Variants in RTKN observed in about 807,000 individuals in gnomAD.
RTKN encodes rhotekin.
RTKN carries 49 observed loss-of-function variants against 63.5 expected under a neutral mutation model. The ratio of observed to expected loss-of-function variants is 0.77; its 90% CI spans 0.61 to 0.98. The LOEUF (loss-of-function observed/expected upper bound fraction) is 0.98, where lower values mean the gene tolerates loss of function less well. Among genes scored for constraint, RTKN ranks in the 50% least tolerant of loss-of-function variants. The pLI is 0.00. For synonymous variants in RTKN, 295 were observed against 290.4 expected (o/e 1.02, Z -0.16); for missense variants, 685 against 740.8 (o/e 0.92, Z 0.87).
At chr2:74,440,654 T>C in intron 1 of RTKN, 1 of 803,080 alleles carries the variant, frequency 1.2e-6, no homozygotes, top group Non-Finnish European at 1.5e-6. Context: ...GCCTCGCCCC[T>C]TACTCCCCCA....
intron 6 of RTKN, 152 bp downstream of exon 6, chr2:74,429,676 T>TG (rs1043669310): frequency 9.5e-6 from 7 of 735,600 alleles, no homozygotes; most frequent in Non-Finnish European, 1.6e-5. Flanking sequence ...TGGGCTGGAA[T>TG]GCCTCCCAGC....
intron 8 of RTKN, 114 bp downstream of exon 8, chr2:74,428,517 C>T (rs887476151): frequency 1.2e-5 from 19 of 1,568,688 alleles, no homozygotes; most frequent in Middle Eastern, 1.7e-4. Flanking sequence ...CTCGTCTGGC[C>T]ATACCCCATT....
intron 1 of RTKN, among the ~76,000 whole-genome samples, chr2:74,439,344 C>T (rs1258120259): frequency 6.6e-6 from 1 of 152,194 alleles, no homozygotes; most frequent in African/African-American, 2.4e-5. Flanking sequence ...TGTAAAGACC[C>T]TGCTGCAAAC....
chr2:74,437,689 G>C (rs1407077403), intron 1 of RTKN, among the ~76,000 whole-genome samples: 1 of 152,212 alleles, frequency 6.6e-6, no homozygotes, highest in East Asian at 1.9e-4. Context: ...TGAACTAAAA[G>C]TAAGATTTAA....
Position 74,428,305 on chromosome 2 carries a change from G to C in RTKN, c.1049C>G (p.Thr350Ser). 2 of 1,614,198 alleles carry C rather than the reference G, an allele frequency of 1.2e-6. No homozygotes were observed. Among genetic ancestry groups the C allele is most frequent in the South Asian group, 1.1e-5 (1 of 91,092 alleles). Reference protein sequence around the residue: ...FCYRQPEDADTGEEPLLTIAV... With the variant: ...FCYRQPEDADSGEEPLLTIAV... The stretch of plus-strand genomic sequence containing the variant: ...AATAGTAAGCAGCGGCTCTTCCCCA[G>C]TGTCTGCATCCTCAGGTTGCCGGTA... Residue 350 changes from threonine to serine, a missense_variant, in exon 9 of 12, where the codon ACT becomes AGT. Thr to Ser is a moderately conservative substitution (Grantham distance 58, BLOSUM62 1). Coordinates refer to ENST00000272430, the MANE Select transcript of RTKN (RefSeq NM_001015055.2).
chr2:74,439,927 G>T, intron 1 of RTKN: 1 of 1,219,960 alleles, frequency 8.2e-7, no homozygotes, highest in South Asian at 2.1e-5. Flanking sequence ...TGCAGAGGGG[G>T]CTCTAGGCAC....
In RTKN at chr2:74,429,964, T is replaced by A. The variant is rs773460553; in HGVS notation, c.619A>T (p.Thr207Ser). The change falls in exon 6 of 12, where the codon ACT becomes TCT. Residue 207 changes from threonine to serine, a missense_variant. Coordinates refer to ENST00000272430, the MANE Select transcript of RTKN (RefSeq NM_001015055.2). ...GTGGCAAGCCTCTTGGGGCCGCCAGTCAGGGCCCCCTCTTCTTCCACACAG... is the reference window on the plus strand; with the variant it reads ...GTGGCAAGCCTCTTGGGGCCGCCAGACAGGGCCCCCTCTTCTTCCACACAG... ...GACVEEEGAL[T>S]GGPKRLATKL... The A allele has an allele frequency of 1.2e-6, 2 of 1,614,136 alleles. No homozygotes were observed. Among genetic ancestry groups the A allele is most frequent in the Non-Finnish European group, 1.7e-6 (2 of 1,180,032 alleles).
intron 11 of RTKN, chr2:74,426,943 G>A (rs1670430003): frequency 1.0e-6 from 1 of 985,204 alleles, no homozygotes; most frequent in South Asian, 4.7e-5. Context: ...AGAAATTAAT[G>A]AAATGATCCT....
intron 10 of RTKN, 45 bp downstream of exon 10, chr2:74,427,379 C>G (rs1303580884): frequency 6.2e-7 from 1 of 1,610,262 alleles, no homozygotes; most frequent in Non-Finnish European, 8.5e-7. Context: ...AAATGACAAA[C>G]TCCAGTTCTT....
intron 2 of RTKN, 108 bp downstream of exon 2, chr2:74,432,359 G>A (rs757212365): frequency 9.4e-7 from 1 of 1,066,742 alleles, no homozygotes. Context: ...AAGACTTCAT[G>A]GGGAAGTCAT....
Position 74,429,846 on chromosome 2 carries a change from A to G in RTKN, c.737T>C (p.Leu246Pro). 2 of 1,613,806 alleles carry G rather than the reference A, an allele frequency of 1.2e-6. No individual in the cohort carries two copies. Among genetic ancestry groups the G allele is most frequent in the South Asian group, 2.2e-5 (2 of 91,064 alleles). Residue 246 changes from leucine (L) to proline (P), a missense_variant, in exon 6 of 12, where the codon CTC (leucine) becomes CCC (proline). Leu to Pro is a moderately conservative substitution (Grantham distance 98). Coordinates refer to ENST00000272430, the MANE Select transcript of RTKN (RefSeq NM_001015055.2). Reference sequence around the variant, plus strand: ...GCCTTACCCAACAACTGGGGTGGGGAGCAAGATGGGACTGCTCCCTGAACC... The same window carrying G: ...GCCTTACCCAACAACTGGGGTGGGGGGCAAGATGGGACTGCTCCCTGAACC... ...AGGSGSSPIL[L>P]PTPVVGGPRY... is the part of the protein sequence containing the mutation.
At chr2:74,426,745 C>T in intron 11 of RTKN, 171 bp from the exon 12 acceptor site, 1 of 1,378,226 alleles carries the variant, frequency 7.3e-7, no homozygotes, top group Non-Finnish European at 9.3e-7. Context: ...CCTGGGGCTA[C>T]AGGCTCTGAT....
At position 74,432,536 on chromosome 2, in the gene RTKN, C is replaced by T. The variant is rs868508623; in HGVS notation, c.242G>A (p.Arg81His). Residue 81 changes from arginine to histidine, a missense_variant, in exon 2 of 12, where the codon CGC becomes CAC. Arg to His is a conservative substitution (Grantham distance 29, BLOSUM62 0). Coordinates refer to ENST00000272430, the MANE Select transcript of RTKN (RefSeq NM_001015055.2). ...ATKSLLVCNS[R>H]ILSYMGELQR... ...CAGCTCGCCCATGTAGCTGAGGATG[C>T]GGCTGTTGCACACTAGCAGGCTCTT... is the stretch of plus-strand genomic sequence containing the variant. 10 of 1,613,840 alleles carry T rather than the reference C, an allele frequency of 6.2e-6. No individual in the cohort carries two copies. The highest frequency in any genetic ancestry group is 2.2e-5 in the East Asian group (1 of 44,896).
chr2:74,434,087 G>A (rs1670919898), intron 1 of RTKN, among the ~76,000 whole-genome samples: 1 of 151,920 alleles, frequency 6.6e-6, no homozygotes, highest in Non-Finnish European at 1.5e-5. Flanking sequence ...TGGGAGCCAG[G>A]GATGGAAAAC....
intron 1 of RTKN, chr2:74,440,660 C>T (rs1671319105): frequency 7.8e-6 from 6 of 765,912 alleles, no homozygotes; most frequent in Non-Finnish European, 9.5e-6. Flanking sequence ...CCCCTTACTC[C>T]CCCACGCTGG....
chr2:74,427,282 A>G lies in RTKN; in HGVS notation c.1256-9T>C, dbSNP rs72905476. The G allele has an allele frequency of 2.8e-3, 4,448 of 1,613,822 alleles. 116 individuals carry two copies. The African/African-American group carries it at 0.052, about 19-fold the overall frequency. On this transcript the variant is annotated splice_polypyrimidine_tract_variant and intron_variant, in intron 10 of 11. Transcript: ENST00000272430. ...GCACTGCTTCCATTGGCCTGGAAGA[A>G]GAGCGCTGATTAAAAGAGAGAGCCA...
intron 1 of RTKN, among the ~76,000 whole-genome samples, chr2:74,434,064 G>C (rs1354710783): frequency 2.0e-5 from 3 of 151,820 alleles, no homozygotes; most frequent in Non-Finnish European, 4.4e-5. Context: ...TAAAATATTA[G>C]TGATTGTAGG....
At chr2:74,440,803 T>C (rs1195327767) in intron 1 of RTKN, among the ~76,000 whole-genome samples, 2 of 152,206 alleles carry the variant, frequency 1.3e-5, no homozygotes, top group Non-Finnish European at 2.9e-5. Flanking sequence ...AAGAGCCTCT[T>C]TGTTCTGGGC....
At chr2:74,428,041 C>A (rs1670509764) in intron 9 of RTKN, 5 of 582,268 alleles carry the variant, frequency 8.6e-6, no homozygotes, top group African/African-American at 5.6e-5. Flanking sequence ...GCGAGAGAAC[C>A]CTCTCTGAGA....
Sources: gnomAD v4.1 joint callset for allele counts (sites outside exome capture counted in the v4.1 genomes callset) on GRCh38, gnomAD v4.1.1 for gene constraint, MANE v1.5 for transcripts, NCBI Gene and HGNC (gene_info 2026-07-23, HGNC 2026-07-21) for gene names.